The following DAB1 variants were observed in gnomAD, a reference collection of about 807,000 sequenced individuals.
DAB1 encodes the protein disabled homolog 1.
DAB1 carries 15 observed loss-of-function variants against 64.6 expected under a neutral mutation model. That is an observed-to-expected ratio of 0.23 (90% CI 0.16 to 0.36). The LOEUF (loss-of-function observed/expected upper bound fraction) is 0.36, where lower values mean the gene tolerates loss of function less well. Among genes scored for constraint, DAB1 ranks in the 10% least tolerant of loss-of-function variants. The pLI is 1.00. For synonymous variants in DAB1, 235 were observed against 251.9 expected (o/e 0.93, Z 0.64); for missense variants, 596 against 706.7 (o/e 0.84, Z 1.78).
chr1:57,360,368 C>T (rs1038402816), intron 1 of DAB1, among the ~76,000 whole-genome samples: 1 of 152,006 alleles, frequency 6.6e-6, no homozygotes, highest in Non-Finnish European at 1.5e-5. Flanking sequence ...TACATTTGTG[C>T]AAAATTAAAA....
intron 7 of DAB1, among the ~76,000 whole-genome samples, chr1:57,451,663 C>T (rs1686372138): frequency 6.6e-6 from 1 of 152,184 alleles, no homozygotes; most frequent in Admixed American, 6.5e-5. Context: ...GCGAAGGACG[C>T]AGAGAGTTCA....
At chr1:57,804,825 T>C (rs1031027823) in intron 6 of DAB1, among the ~76,000 whole-genome samples, 5 of 152,198 alleles carry the variant, frequency 3.3e-5, no homozygotes, top group African/African-American at 7.2e-5. Context: ...ATTCTAAATA[T>C]ATATTTTTAA....
At chr1:57,555,672 C>T (rs908988324) in intron 7 of DAB1, among the ~76,000 whole-genome samples, 1 of 152,152 alleles carries the variant, frequency 6.6e-6, no homozygotes, top group South Asian at 2.1e-4. Flanking sequence ...CAGACAAAAG[C>T]ATTGGGACTC....
At chr1:58,226,384 C>A (rs1216495677) in intron 4 of DAB1, among the ~76,000 whole-genome samples, 1 of 151,260 alleles carries the variant, frequency 6.6e-6, no homozygotes, top group Non-Finnish European at 1.5e-5. Context: ...ACTATCCCAT[C>A]TCCCAGATGA....
intron 6 of DAB1, among the ~76,000 whole-genome samples, chr1:57,775,574 T>C (rs1453172736): frequency 6.6e-6 from 1 of 151,644 alleles, no homozygotes; most frequent in Non-Finnish European, 1.5e-5. Flanking sequence ...ATTTTTAATC[T>C]AATTATCTTT....
chr1:57,990,295 C>T (rs553246023), intron 5 of DAB1, among the ~76,000 whole-genome samples: 4 of 152,204 alleles, frequency 2.6e-5, no homozygotes, highest in Admixed American at 6.5e-5. Flanking sequence ...AAGTTACTCT[C>T]CCATAATCAC....
intron 3 of DAB1, among the ~76,000 whole-genome samples, chr1:57,141,524 A>G (rs138176432): frequency 6.6e-6 from 1 of 152,270 alleles, no homozygotes; most frequent in East Asian, 1.9e-4. Context: ...CACTGTTGCT[A>G]GATTCTGAGT....
rs190498163 is a variant in DAB1 at position 57,674,446 on chromosome 1, T to A, written n.552-24781A>T. Among the ~76,000 whole-genome samples, 25 of 152,292 alleles carry A rather than the reference T, an allele frequency of 1.6e-4. No homozygotes were observed. In the East Asian group the frequency reaches 4.8e-3, roughly 29 times the overall value. Reference sequence around the variant, plus strand: ...GGCAAGCACATCAGTGTTTCTTGCATCTTATTTACTTGTCCAACTCCTGGA... The same window carrying A: ...GGCAAGCACATCAGTGTTTCTTGCAACTTATTTACTTGTCCAACTCCTGGA... On this transcript the variant is annotated intron_variant and non_coding_transcript_variant, in intron 6 of 20. Coordinates refer to the DAB1 transcript ENST00000485760.
chr1:57,462,537 A>T (rs1224185231), intron 7 of DAB1, among the ~76,000 whole-genome samples: 9 of 152,186 alleles, frequency 5.9e-5, no homozygotes, highest in Non-Finnish European at 1.0e-4. Context: ...ATCTTCAAAC[A>T]TTGACCTAAG....
chr1:58,391,613 T>C (rs1644476689), intron 3 of DAB1, among the ~76,000 whole-genome samples: 1 of 152,186 alleles, frequency 6.6e-6, no homozygotes, highest in African/African-American at 2.4e-5. Flanking sequence ...ACTGTACCAT[T>C]TTCCAGAGCT....
intron 6 of DAB1, among the ~76,000 whole-genome samples, chr1:57,666,741 C>G (rs1024139107): frequency 6.6e-6 from 1 of 152,162 alleles, no homozygotes; most frequent in African/African-American, 2.4e-5. Flanking sequence ...CAACTACCAT[C>G]ATCTTTCACC....
At chr1:57,783,025 C>T (rs1335417426) in intron 6 of DAB1, among the ~76,000 whole-genome samples, 2 of 113,640 alleles carry the variant, frequency 1.8e-5, no homozygotes, top group East Asian at 4.8e-4. Context: ...TCTTCCCTCC[C>T]TCCCTTGCTT....
At chr1:57,270,746 CTG>C (rs2100588740) in intron 2 of DAB1, among the ~76,000 whole-genome samples, 1 of 152,334 alleles carries the variant, frequency 6.6e-6, no homozygotes, top group East Asian at 1.9e-4. Flanking sequence ...ACACTTTCAT[CTG>C]TGATACTGCA....
At chr1:57,692,223 C>A (rs183919575) in intron 6 of DAB1, among the ~76,000 whole-genome samples, 1 of 152,152 alleles carries the variant, frequency 6.6e-6, no homozygotes, top group East Asian at 1.9e-4. Context: ...CTTCCTCTCA[C>A]CTCTCTTCTC....
intron 1 of DAB1, among the ~76,000 whole-genome samples, chr1:57,371,238 C>A (rs1680471692): frequency 6.6e-6 from 1 of 152,188 alleles, no homozygotes; most frequent in African/African-American, 2.4e-5. Flanking sequence ...AGTAAATAGA[C>A]CTTGCAGGGT....
chr1:57,567,791 G>A (rs1645141966), intron 7 of DAB1, among the ~76,000 whole-genome samples: 1 of 152,112 alleles, frequency 6.6e-6, no homozygotes, highest in Admixed American at 6.5e-5. Flanking sequence ...ACAAACAAAT[G>A]GAAGAACATT....
At chr1:58,150,306 C>G (rs1654846913) in intron 5 of DAB1, among the ~76,000 whole-genome samples, 1 of 152,124 alleles carries the variant, frequency 6.6e-6, no homozygotes, top group Non-Finnish European at 1.5e-5. Flanking sequence ...GTTCTATGTG[C>G]CTACAAAACC....
Position 57,791,513 on chromosome 1 carries a change from T to C in DAB1, n.551+92486A>G, listed in dbSNP as rs542574072. 7.2e-5 allele frequency among the ~76,000 whole-genome samples: 11 copies of C among 152,326 alleles called. No homozygotes were observed. The East Asian group carries it at 1.9e-3, about 27-fold the overall frequency. ...ATCAAACAGACTGGAGTTCAAATCCTAGGTCTGCTACTTACCGTGTGAACT... is the reference window on the plus strand; with the variant it reads ...ATCAAACAGACTGGAGTTCAAATCCCAGGTCTGCTACTTACCGTGTGAACT... On this transcript the variant is annotated intron_variant and non_coding_transcript_variant, in intron 6 of 20. Transcript: ENST00000485760.
chr1:58,074,510 T>G lies in DAB1; in HGVS notation n.387+76001A>C, dbSNP rs2100578056. The G allele has an allele frequency of 1.7e-5, 2 of 120,750 alleles. 1 individual carries two copies. The highest frequency in any genetic ancestry group is 3.7e-5 in the Non-Finnish European group (2 of 54,404). 7.5% of individuals were successfully genotyped at this position (120,750 alleles called of 1,614,324 possible). On this transcript the variant is annotated intron_variant and non_coding_transcript_variant, in intron 5 of 20. Transcript: ENST00000485760. ...GGAAAATGACATTCTCAGGGAAGAT[T>G]CTAATATATATACATATATATATAT...
Sources: gnomAD v4.1 joint callset for allele counts (sites outside exome capture counted in the v4.1 genomes callset) on GRCh38, gnomAD v4.1.1 for gene constraint, MANE v1.5 for transcripts, NCBI Gene and HGNC (gene_info 2026-07-23, HGNC 2026-07-21) for gene names.